ENOSF1: variants seen among roughly 807,000 people sequenced by gnomAD.
The protein encoded by ENOSF1 is mitochondrial enolase superfamily member 1.
A neutral mutation model predicts 68.2 loss-of-function variants in ENOSF1; 73 were observed. The observed-to-expected ratio is 1.07, with a 90% CI of 0.89 to 1.30. The LOEUF is 1.30. Ranked by LOEUF, ENOSF1 falls within the 50% of genes most tolerant of loss-of-function variation. ENOSF1 has a pLI of 0.00. For synonymous variants in ENOSF1, 223 were observed against 210.4 expected (o/e 1.06, Z -0.52); for missense variants, 589 against 554.5 (o/e 1.06, Z -0.62).
downstream of ENOSF1, chr18:667,573 A>ATGG: frequency 1.3e-5 from 1 of 79,924 alleles, no homozygotes; most frequent in Non-Finnish European, 2.3e-5. Context: ...GGTGATGGAG[A>ATGG]TGGTGATGGT....
intron 2 of ENOSF1, among the ~76,000 whole-genome samples, chr18:704,102 A>C (rs1421002080): frequency 6.6e-6 from 1 of 152,124 alleles, no homozygotes; most frequent in African/African-American, 2.4e-5. Flanking sequence ...CTTTTTCTTT[A>C]TAAATTATCC....
chr18:673,522 G>C lies in ENOSF1; in HGVS notation c.*783C>G, dbSNP rs948135236. 2.1e-5 allele frequency: 4 copies of C among 194,176 alleles called. No individual in the cohort carries two copies. Among genetic ancestry groups the C allele is most frequent in the African/African-American group, 7.0e-5 (3 of 43,070 alleles). The allele number at this position is 194,176 out of a possible 1,614,324, so 12.0% of individuals were successfully genotyped here. A position where few individuals can be genotyped will look rare whatever the true frequency, so the allele number is the denominator to read the frequency against. On this transcript the variant is annotated 3_prime_UTR_variant, in exon 16 of 16. Transcript: ENST00000647584. ...GTCCACGCTTTGTTCATTCTGTACT[G>C]CCACTTATCTGCTCAGTTCCTTCCT...
chr18:693,538 T>A, intron 5 of ENOSF1: 1 of 985,408 alleles, frequency 1.0e-6, no homozygotes. Flanking sequence ...GCTTTTCTCA[T>A]TGATCTTTAA....
rs755712675 is a variant in ENOSF1, at chr18:690,581, A to AG, written c.585dup (p.Trp196LeufsTer7). 1.2e-6 allele frequency: 2 copies of AG among 1,614,102 alleles called. No homozygotes were observed. The highest frequency in any genetic ancestry group is 1.7e-6 in the Non-Finnish European group (2 of 1,180,032). On this transcript the variant is annotated frameshift_variant, in exon 8 of 16. Coordinates refer to ENST00000647584, the MANE Select transcript of ENOSF1 (RefSeq NM_017512.7). LOFTEE classifies it high-confidence loss of function. ...AACGTGTCATCTGAGTACCCCAGCC[A>AG]GGCGCACGATGTCGTGTAAGCAGGG...
At chr18:697,519 G>A (rs567742179) in intron 2 of ENOSF1, among the ~76,000 whole-genome samples, 164 bp from the exon 3 acceptor site, 4 of 152,318 alleles carry the variant, frequency 2.6e-5, no homozygotes, top group Non-Finnish European at 4.4e-5. Flanking sequence ...GGGAGGCCAC[G>A]GCAGGAGGAC....
intron 10 of ENOSF1, among the ~76,000 whole-genome samples, chr18:684,267 T>C (rs2076409431): frequency 1.3e-5 from 2 of 152,042 alleles, no homozygotes; most frequent in South Asian, 2.1e-4. Context: ...AGTGCTGGGA[T>C]TACAGCCATG....
At chr18:681,292 G>C (rs904724492) in intron 11 of ENOSF1, among the ~76,000 whole-genome samples, 1 of 152,188 alleles carries the variant, frequency 6.6e-6, no homozygotes, top group Admixed American at 6.5e-5. Flanking sequence ...GCTCCCTGGG[G>C]CATCTCCACT....
Position 674,100 on chromosome 18 carries a change from T to C in ENOSF1, c.*205A>G. ...ACTTTGGGTTAGTTAAATCTAAACT[T>C]ATTTAAGGATTAAGTAGGATAACGT... On this transcript the variant is annotated 3_prime_UTR_variant, in exon 16 of 16. Transcript: ENST00000647584. The C allele has an allele frequency of 2.2e-6, 1 of 455,686 alleles. No homozygotes were observed. The highest frequency in any genetic ancestry group is 3.9e-6 in the Non-Finnish European group (1 of 257,566). 28.2% of individuals were successfully genotyped at this position (455,686 alleles called of 1,614,324 possible).
intron 2 of ENOSF1, among the ~76,000 whole-genome samples, chr18:705,234 T>A (rs1286611307): frequency 6.6e-6 from 1 of 152,244 alleles, no homozygotes; most frequent in Admixed American, 6.5e-5. Context: ...GAGAAACTCT[T>A]TTCCCTCCTT....
intron 1 of ENOSF1, among the ~76,000 whole-genome samples, chr18:711,450 A>T (rs970366869): frequency 1.3e-5 from 2 of 151,946 alleles, no homozygotes; most frequent in African/African-American, 4.8e-5. Flanking sequence ...ACTGGTAACC[A>T]TTTTCCTAAC....
At chr18:708,580 G>A (rs545953480) in intron 1 of ENOSF1, among the ~76,000 whole-genome samples, 10 of 152,282 alleles carry the variant, frequency 6.6e-5, no homozygotes, top group African/African-American at 9.6e-5. Context: ...AGGCCTGGGA[G>A]GGATGCAAAC....
In ENOSF1 at chr18:673,260, T is replaced by TA; in HGVS notation, c.*1044_*1045insT. On this transcript the variant is annotated 3_prime_UTR_variant, in exon 16 of 16. Coordinates refer to ENST00000647584, the MANE Select transcript of ENOSF1 (RefSeq NM_017512.7). Reference sequence around the variant, plus strand: ...AACAAAGTGAGGAGAATGAAATGTATGTGCTCTTAGCAAAAACATGTATGT... The same window carrying TA: ...AACAAAGTGAGGAGAATGAAATGTATAGTGCTCTTAGCAAAAACATGTATGT... 3.2e-6 allele frequency: 1 copy of TA among 310,604 alleles called. No individual in the cohort carries two copies. Among genetic ancestry groups the TA allele is most frequent in the East Asian group, 4.6e-5 (1 of 21,542 alleles). The allele number at this position is 310,604 out of a possible 1,614,324, so 19.2% of individuals were successfully genotyped here.
chr18:699,430 A>C (rs2078084101), intron 2 of ENOSF1, among the ~76,000 whole-genome samples: 1 of 152,032 alleles, frequency 6.6e-6, no homozygotes, highest in East Asian at 1.9e-4. Flanking sequence ...GTGAGCTGAG[A>C]TTGTGCCACT....
chr18:688,709 C>A lies in ENOSF1; in HGVS notation c.619-101G>T, dbSNP rs2076865115. On this transcript the variant is annotated intron_variant, in intron 8 of 15. Coordinates refer to ENST00000647584, the MANE Select transcript of ENOSF1 (RefSeq NM_017512.7). ...TGTTTCACAAGCATTACGGTTATAG[C>A]ATAGACCAGAGTAACACCCATGTGT... 3 of 1,061,586 alleles carry A rather than the reference C, an allele frequency of 2.8e-6. No homozygotes were observed. In the South Asian group the frequency reaches 3.9e-5, roughly 14 times the overall value. 65.8% of individuals were successfully genotyped at this position (1,061,586 alleles called of 1,614,324 possible). A position where few individuals can be genotyped will look rare whatever the true frequency, so the allele number is the denominator to read the frequency against.
In ENOSF1 at chr18:670,432, C is replaced by A. The variant is rs2074987425; in HGVS notation, c.*3873G>T. ...TTGTAATCTGGTGCCACGAGGTAGCCCAGATCCCTTCAGCTCTGATGGAAG... is the reference window on the plus strand; with the variant it reads ...TTGTAATCTGGTGCCACGAGGTAGCACAGATCCCTTCAGCTCTGATGGAAG... On this transcript the variant is annotated 3_prime_UTR_variant, in exon 16 of 16. Transcript: ENST00000647584. 4.5e-6 allele frequency: 2 copies of A among 447,106 alleles called. No individual in the cohort carries two copies. The highest frequency in any genetic ancestry group is 7.1e-5 in the South Asian group (2 of 28,228). The allele number at this position is 447,106 out of a possible 1,614,324, so 27.7% of individuals were successfully genotyped here. A position where few individuals can be genotyped will look rare whatever the true frequency, so the allele number is the denominator to read the frequency against.
Position 678,876 on chromosome 18 carries a change from C to T in ENOSF1, c.877-139G>A. 4.7e-6 allele frequency: 4 copies of T among 843,664 alleles called. No individual in the cohort carries two copies. The South Asian group carries it at 6.2e-5, about 13-fold the overall frequency. The allele number at this position is 843,664 out of a possible 1,614,324, so 52.3% of individuals were successfully genotyped here. ...AAGGCTCAAGACTGGCAAAGGATGT[C>T]CAGGGGAACACATGCGTGCGGGAGG... On this transcript the variant is annotated intron_variant, in intron 11 of 15. Coordinates refer to ENST00000647584, the MANE Select transcript of ENOSF1 (RefSeq NM_017512.7).
chr18:690,722 T>TCCAGCTGTTTCCCCTGGAGAGA, intron 7 of ENOSF1, 91 bp from the exon 8 acceptor site: 1 of 1,565,236 alleles, frequency 6.4e-7, no homozygotes. Flanking sequence ...CCCTGGAGAG[T>TCCAGCTGTTTCCCCTGGAGAGA]CCAGCTGTTC....
In ENOSF1 at chr18:671,690, G is replaced by A. The variant is rs2075057986; in HGVS notation, c.*2615C>T. On this transcript the variant is annotated 3_prime_UTR_variant, in exon 16 of 16. Coordinates refer to ENST00000647584, the MANE Select transcript of ENOSF1 (RefSeq NM_017512.7). Reference sequence around the variant, plus strand: ...GTACTAAGCACCAGTACCAGAGAGGGAAGAGCCACATTCAAGCCAGGGGAT... The same window carrying A: ...GTACTAAGCACCAGTACCAGAGAGGAAAGAGCCACATTCAAGCCAGGGGAT... 1 of 523,448 alleles carries A rather than the reference G, an allele frequency of 1.9e-6. No individual in the cohort carries two copies. The highest frequency in any genetic ancestry group is 3.3e-6 in the Non-Finnish European group (1 of 301,050). The allele number at this position is 523,448 out of a possible 1,614,324, so 32.4% of individuals were successfully genotyped here.
At chr18:690,927 T>G (rs144327897) in intron 7 of ENOSF1, 141 bp downstream of exon 7, 16 of 1,194,286 alleles carry the variant, frequency 1.3e-5, no homozygotes, top group Middle Eastern at 2.9e-4. Flanking sequence ...GGCTTCACCA[T>G]GCAGACTTGA....
Sources: gnomAD v4.1 joint callset for allele counts (sites outside exome capture counted in the v4.1 genomes callset) on GRCh38, gnomAD v4.1.1 for gene constraint, MANE v1.5 for transcripts, NCBI Gene and HGNC (gene_info 2026-07-23, HGNC 2026-07-21) for gene names.